The following STK3 variants were observed in gnomAD, a reference collection of about 807,000 sequenced individuals.
STK3 encodes the protein serine/threonine-protein kinase 3.
In STK3, 41 loss-of-function variants were observed where a neutral mutation model predicts 58.0. That is an observed-to-expected ratio of 0.71 (90% CI 0.55 to 0.92). The LOEUF (loss-of-function observed/expected upper bound fraction) is 0.92. Among genes scored for constraint, STK3 ranks in the 40% least tolerant of loss-of-function variants. STK3 has a pLI of 0.00. For missense variants in STK3, 479 were observed against 602.7 expected (o/e 0.79, Z 2.15); for synonymous variants, 170 against 191.0 (o/e 0.89, Z 0.91).
At chr8:98,557,310 T>C (rs1220567275) in intron 8 of STK3, among the ~76,000 whole-genome samples, 2 of 151,996 alleles carry the variant, frequency 1.3e-5, no homozygotes, top group Non-Finnish European at 2.9e-5. Flanking sequence ...TCTCGAATCA[T>C]GTAAGATTCC....
At chr8:98,909,175 A>G (rs1839038581) in intron 1 of STK3, among the ~76,000 whole-genome samples, 1 of 152,134 alleles carries the variant, frequency 6.6e-6, no homozygotes, top group Non-Finnish European at 1.5e-5. Flanking sequence ...AAAAACAAAA[A>G]CAAAAACTTA....
chr8:98,773,649 T>C (rs1203779350), intron 2 of STK3, among the ~76,000 whole-genome samples: 3 of 152,122 alleles, frequency 2.0e-5, no homozygotes, highest in Non-Finnish European at 4.4e-5. Context: ...TTGCATCTCC[T>C]ATAAACAGAA....
At chr8:98,507,318 T>A (rs900291607) in intron 10 of STK3, among the ~76,000 whole-genome samples, 1 of 152,202 alleles carries the variant, frequency 6.6e-6, no homozygotes, top group Non-Finnish European at 1.5e-5. Context: ...CCAGTTCAGT[T>A]ATAGGCAACA....
At chr8:98,427,946 C>T in intron 3 of STK3, 4 of 1,463,926 alleles carry the variant, frequency 2.7e-6, no homozygotes, top group Non-Finnish European at 3.6e-6. Context: ...AGGTGTAGCG[C>T]CCCCGCGCGG....
intron 6 of STK3, among the ~76,000 whole-genome samples, chr8:98,620,631 C>G (rs1350833894): frequency 6.7e-6 from 1 of 149,406 alleles, no homozygotes; most frequent in African/African-American, 2.4e-5. Context: ...ACTTGAAGAG[C>G]CTAGACAAAG....
intron 9 of STK3, among the ~76,000 whole-genome samples, chr8:98,528,077 A>G (rs192795907): frequency 1.3e-5 from 2 of 152,324 alleles, no homozygotes; most frequent in East Asian, 3.9e-4. Context: ...TTCTCAGTAC[A>G]GTTAACTATA....
chr8:98,713,573 C>A (rs1826727928), intron 4 of STK3, among the ~76,000 whole-genome samples: 1 of 152,068 alleles, frequency 6.6e-6, no homozygotes, highest in Non-Finnish European at 1.5e-5. Flanking sequence ...CAAGACTAAA[C>A]CAGGAAGAAG....
chr8:98,345,756 A>C, the STK3 span, among the ~76,000 whole-genome samples: 1 of 152,066 alleles, frequency 6.6e-6, no homozygotes, highest in Non-Finnish European at 1.5e-5. Flanking sequence ...ACACCAAAAT[A>C]GTTTTTATTT....
chr8:98,443,507 G>A (rs190766638), intron 1 of STK3, among the ~76,000 whole-genome samples: 2 of 152,292 alleles, frequency 1.3e-5, no homozygotes, highest in Middle Eastern at 3.4e-3. Context: ...GTGTCCTCAT[G>A]GAGGCCAGCA....
At chr8:98,347,812 G>T in the STK3 span, among the ~76,000 whole-genome samples, 2 of 152,094 alleles carry the variant, frequency 1.3e-5, no homozygotes, top group Non-Finnish European at 2.9e-5. Flanking sequence ...GAAAGACAAA[G>T]TCTTGTCAAG....
At chr8:98,579,432 T>C (rs544293435) in intron 8 of STK3, among the ~76,000 whole-genome samples, 3 of 152,276 alleles carry the variant, frequency 2.0e-5, no homozygotes, top group African/African-American at 7.2e-5. Flanking sequence ...AACTAGATAC[T>C]AGGTACTGTG....
intron 4 of STK3, among the ~76,000 whole-genome samples, chr8:98,740,567 C>T (rs1010439902): frequency 3.3e-5 from 5 of 152,074 alleles, no homozygotes; most frequent in Admixed American, 6.5e-5. Flanking sequence ...CACCACCAGG[C>T]GTGCCCTAAA....
chr8:98,510,038 A>C (rs1427892339), intron 10 of STK3, among the ~76,000 whole-genome samples: 1 of 152,092 alleles, frequency 6.6e-6, no homozygotes, highest in Non-Finnish European at 1.5e-5. Context: ...AGGTTTAAAA[A>C]AGAAAAGTTC....
At chr8:98,679,641 C>T (rs1050813500) in intron 6 of STK3, among the ~76,000 whole-genome samples, 3 of 152,040 alleles carry the variant, frequency 2.0e-5, no homozygotes, top group African/African-American at 7.2e-5. Context: ...TAGAATAGTC[C>T]CAAGCACATG....
chr8:98,672,089 GTCT>G (rs1822872362), intron 6 of STK3, among the ~76,000 whole-genome samples: 2 of 152,084 alleles, frequency 1.3e-5, no homozygotes, highest in Non-Finnish European at 2.9e-5. Flanking sequence ...AAATTACTCA[GTCT>G]CGGGTATTTC....
Position 98,819,074 on chromosome 8 carries a change from C to T in STK3, c.26+6441G>A, listed in dbSNP as rs529655226. On this transcript the variant is annotated intron_variant, in intron 1 of 10. Transcript: ENST00000419617. ...TCCTGACCTCATGATCTGCCCACCT[C>T]AGCCTCCCAAAGTGCTGGGATTACA... is the stretch of plus-strand genomic sequence containing the variant. 2.0e-5 allele frequency among the ~76,000 whole-genome samples: 3 copies of T among 152,270 alleles called. No homozygotes were observed. In the South Asian group the frequency reaches 6.2e-4, roughly 32 times the overall value.
chr8:98,557,107 T>C (rs1336366748), intron 8 of STK3, among the ~76,000 whole-genome samples: 1 of 152,134 alleles, frequency 6.6e-6, no homozygotes, highest in East Asian at 1.9e-4. Flanking sequence ...GCATGTCCAA[T>C]GCAACTGCAA....
At chr8:98,476,118 A>T (rs895279351) in intron 10 of STK3, among the ~76,000 whole-genome samples, 4 of 152,202 alleles carry the variant, frequency 2.6e-5, no homozygotes, top group African/African-American at 9.7e-5. Flanking sequence ...GGAAGTTTGT[A>T]TTCAAAACAT....
At chr8:98,594,214 G>A (rs2129950777) in intron 7 of STK3, among the ~76,000 whole-genome samples, 1 of 152,210 alleles carries the variant, frequency 6.6e-6, no homozygotes, top group East Asian at 1.9e-4. Context: ...GGCTGAGGTG[G>A]GAGGATAGGT....
Sources: gnomAD v4.1 joint callset for allele counts (sites outside exome capture counted in the v4.1 genomes callset) on GRCh38, gnomAD v4.1.1 for gene constraint, MANE v1.5 for transcripts, NCBI Gene and HGNC (gene_info 2026-07-23, HGNC 2026-07-21) for gene names.